SELENOT: variants seen among roughly 807,000 people sequenced by gnomAD.
The protein encoded by SELENOT is selenoprotein T.
In SELENOT, 9 loss-of-function variants were observed where a neutral mutation model predicts 24.3. The ratio of observed to expected loss-of-function variants is 0.37; its 90% CI spans 0.22 to 0.65. The LOEUF (loss-of-function observed/expected upper bound fraction) is 0.65, where lower values mean the gene tolerates loss of function less well. Ranked by LOEUF, SELENOT falls within the 30% of genes least tolerant of loss-of-function variation. The pLI is 0.60. For missense variants in SELENOT, 166 were observed against 247.6 expected, an observed-to-expected ratio of 0.67 and a Z score of 2.21; for synonymous variants, 81 against 86.0, an observed-to-expected ratio of 0.94 and a Z score of 0.32.
intron 1 of SELENOT, chr3:150,611,145 CAAAGA>C (rs1726080995): frequency 1.5e-5 from 9 of 617,562 alleles, no homozygotes; most frequent in Non-Finnish European, 2.5e-5. Context: ...GAGTCAGAAA[CAAAGA>C]AAATAAAATC....
chr3:150,613,220 C>A (rs879932167), intron 1 of SELENOT, among the ~76,000 whole-genome samples: 2 of 152,178 alleles, frequency 1.3e-5, no homozygotes, highest in Non-Finnish European at 2.9e-5. Flanking sequence ...CTTGCTGAGT[C>A]AGCTCATGGT....
At position 150,626,664 on chromosome 3, in the gene SELENOT, A is replaced by G. The variant is rs369042499; in HGVS notation, c.464-346A>G. Among the ~76,000 whole-genome samples the G allele has an allele frequency of 1.1e-4, 16 of 152,254 alleles. No homozygotes were observed. In the South Asian group the frequency reaches 1.5e-3, roughly 14 times the overall value. On this transcript the variant is annotated intron_variant, in intron 4 of 5. Coordinates refer to ENST00000471696, the MANE Select transcript of SELENOT (RefSeq NM_016275.5). ...TCTCCCTCAAAGGTTTTCTACTCTC[A>G]TGAATCCCCACTCTGTCTTGGTAAT...
chr3:150,626,247 TTGTTC>T (rs1298565518), intron 4 of SELENOT, among the ~76,000 whole-genome samples: 1 of 152,194 alleles, frequency 6.6e-6, no homozygotes, highest in Non-Finnish European at 1.5e-5. Context: ...TGACTTGACT[TTGTTC>T]TCAAGATAAA....
At chr3:150,614,232 GA>G (rs1253833454) in intron 1 of SELENOT, among the ~76,000 whole-genome samples, 1 of 152,176 alleles carries the variant, frequency 6.6e-6, no homozygotes, top group African/African-American at 2.4e-5. Flanking sequence ...TAGGAGCTGT[GA>G]ATGGAGGCAG....
chr3:150,611,201 A>C, intron 1 of SELENOT: 1 of 826,938 alleles, frequency 1.2e-6, no homozygotes, highest in Non-Finnish European at 2.0e-6. Flanking sequence ...GAACATTTCT[A>C]CATGTGAAAA....
rs577635369 is a variant in SELENOT at position 150,608,490 on chromosome 3, C to T, written c.137+4991C>T. On this transcript the variant is annotated intron_variant, in intron 1 of 5. Transcript: ENST00000471696. ...TTTATAGAGATGCTACATGTAGCCA[C>T]GTTTAGTGGCTTACACCTGTAAATT... 8.1e-4 allele frequency among the ~76,000 whole-genome samples: 123 copies of T among 152,004 alleles called. 1 individual carries two copies. The highest frequency in any genetic ancestry group is 2.9e-3 in the African/African-American group (119 of 41,442).
intron 1 of SELENOT, among the ~76,000 whole-genome samples, chr3:150,612,125 G>T (rs1726110190): frequency 6.6e-6 from 1 of 150,958 alleles, no homozygotes; most frequent in African/African-American, 2.4e-5. Flanking sequence ...ACAGAATCTC[G>T]CTCTGTCGCC....
At chr3:150,611,796 C>G in intron 1 of SELENOT, 1 of 1,060,960 alleles carries the variant, frequency 9.4e-7, no homozygotes, top group Non-Finnish European at 1.4e-6. Flanking sequence ...CCCTCAGCCC[C>G]GATTTCCCGG....
intron 1 of SELENOT, among the ~76,000 whole-genome samples, chr3:150,603,847 T>C (rs1045786487): frequency 3.3e-5 from 5 of 152,242 alleles, no homozygotes; most frequent in African/African-American, 1.2e-4. Context: ...CCTGCGGAGA[T>C]GGGGATGAGT....
At chr3:150,607,890 A>G (rs1488887693) in intron 1 of SELENOT, among the ~76,000 whole-genome samples, 2 of 152,220 alleles carry the variant, frequency 1.3e-5, no homozygotes, top group Non-Finnish European at 2.9e-5. Context: ...TGGAAAAGAC[A>G]TTCCAGGAGA....
chr3:150,604,547 A>G (rs1725914882), intron 1 of SELENOT, among the ~76,000 whole-genome samples: 1 of 152,218 alleles, frequency 6.6e-6, no homozygotes, highest in Admixed American at 6.5e-5. Context: ...CCTTCTTTTA[A>G]GAACTTCATG....
At chr3:150,625,395 T>C (rs1726419513) in intron 4 of SELENOT, among the ~76,000 whole-genome samples, 1 of 152,198 alleles carries the variant, frequency 6.6e-6, no homozygotes, top group Admixed American at 6.5e-5. Context: ...ATCATTTGTC[T>C]ACTCAGTTGC....
At chr3:150,614,685 A>G (rs1277375814) in intron 1 of SELENOT, 1 of 153,664 alleles carries the variant, frequency 6.5e-6, no homozygotes, top group Admixed American at 6.6e-5. Context: ...AAGATGGAAG[A>G]ACTTTAAAAT....
At chr3:150,609,018 T>G (rs1316673934) in intron 1 of SELENOT, among the ~76,000 whole-genome samples, 2 of 152,200 alleles carry the variant, frequency 1.3e-5, no homozygotes, top group Non-Finnish European at 2.9e-5. Flanking sequence ...TGCCTAGGAC[T>G]TCTAGTATTA....
chr3:150,615,427 T>C (rs1161000018), intron 1 of SELENOT, among the ~76,000 whole-genome samples: 1 of 148,330 alleles, frequency 6.7e-6, no homozygotes, highest in African/African-American at 2.5e-5. Flanking sequence ...TCTAGATCCC[T>C]GAGGAATCGC....
chr3:150,615,495 GTTC>G (rs1051292767), intron 1 of SELENOT, among the ~76,000 whole-genome samples: 13 of 152,188 alleles, frequency 8.5e-5, no homozygotes, highest in Admixed American at 5.2e-4. Flanking sequence ...GTGTAAAAGT[GTTC>G]TTATTTCTCC....
At chr3:150,624,770 AAC>A (rs1726405727) in intron 3 of SELENOT, 40 bp from the exon 4 acceptor site, 2 of 1,273,162 alleles carry the variant, frequency 1.6e-6, no homozygotes, top group Non-Finnish European at 1.1e-6. Context: ...GCATTTACCA[AAC>A]ATGACTTTGC....
At chr3:150,625,018 T>C (rs1351428485) in intron 4 of SELENOT, 119 bp downstream of exon 4, 1 of 501,760 alleles carries the variant, frequency 2.0e-6, no homozygotes, top group Non-Finnish European at 3.3e-6. Flanking sequence ...GTAAGTTTAT[T>C]TGAAAGAAAT....
chr3:150,630,385 G>A lies in SELENOT; in HGVS notation c.*2756G>A, dbSNP rs1455433035. ...GAGAGAAACAAATGAGGATTGTAAA[G>A]TTTGGGGACTTACCTCTGTAGCATT... On this transcript the variant is annotated 3_prime_UTR_variant, in exon 6 of 6. Coordinates refer to ENST00000471696, the MANE Select transcript of SELENOT (RefSeq NM_016275.5). 6.6e-6 allele frequency: 1 copy of A among 152,136 alleles called. No individual in the cohort carries two copies. The highest frequency in any genetic ancestry group is 2.4e-5 in the African/African-American group (1 of 41,418). 9.4% of individuals were successfully genotyped at this position (152,136 alleles called of 1,614,324 possible).
Sources: gnomAD v4.1 joint callset for allele counts (sites outside exome capture counted in the v4.1 genomes callset) on GRCh38, gnomAD v4.1.1 for gene constraint, MANE v1.5 for transcripts, NCBI Gene and HGNC (gene_info 2026-07-23, HGNC 2026-07-21) for gene names.